TSPAN11: variants seen among roughly 807,000 people sequenced by gnomAD.
TSPAN11 encodes tetraspanin-11.
A neutral mutation model predicts 32.9 loss-of-function variants in TSPAN11; 29 were observed. The observed-to-expected ratio is 0.88, with a 90% confidence interval of 0.66 to 1.20. The LOEUF is 1.20. TSPAN11 is among the 50% of genes most tolerant of loss of function. The pLI is 0.00. For synonymous variants in TSPAN11, 140 were observed against 141.3 expected (o/e 0.99, Z 0.07); for missense variants, 283 against 329.1 (o/e 0.86, Z 1.08).
intron 7 of TSPAN11, among the ~76,000 whole-genome samples, chr12:30,991,438 A>G (rs1939309775): frequency 1.3e-5 from 2 of 152,176 alleles, no homozygotes; most frequent in Non-Finnish European, 1.5e-5. Flanking sequence ...GAGTGGAAAC[A>G]TTACTCTTAG....
rs867063541 is a variant in TSPAN11 at position 30,933,816 on chromosome 12, T to C, written c.-12+7020T>C. On this transcript the variant is annotated intron_variant, in intron 1 of 7. Coordinates refer to ENST00000546076, the MANE Select transcript of TSPAN11 (RefSeq NM_001370302.1). ...TCTGGGTCTCCTGTGTCAAGCCTGA[T>C]GGTGAGCTCTTGGTTCAGATTGAGT... is the stretch of plus-strand genomic sequence containing the variant. Among the ~76,000 whole-genome samples the C allele has an allele frequency of 2.6e-5, 4 of 152,276 alleles. No homozygotes were observed. The South Asian group carries it at 6.2e-4, about 24-fold the overall frequency.
chr12:30,961,795 G>A (rs1305286354), intron 2 of TSPAN11, among the ~76,000 whole-genome samples: 2 of 152,032 alleles, frequency 1.3e-5, no homozygotes, highest in Non-Finnish European at 2.9e-5. Flanking sequence ...AGGTCACACC[G>A]CTAGTTATGC....
At chr12:31,003,187 C>A in the TSPAN11 span, among the ~76,000 whole-genome samples, 1 of 152,198 alleles carries the variant, frequency 6.6e-6, no homozygotes, top group African/African-American at 2.4e-5. Context: ...GGAATTCTGC[C>A]CCAATGAGAT....
At chr12:30,961,886 C>T (rs769467717) in intron 2 of TSPAN11, among the ~76,000 whole-genome samples, 1 of 152,050 alleles carries the variant, frequency 6.6e-6, no homozygotes, top group Non-Finnish European at 1.5e-5. Flanking sequence ...TGGCTGCAAA[C>T]CCTCACATTA....
intron 1 of TSPAN11, among the ~76,000 whole-genome samples, chr12:30,938,120 C>T (rs1024593143): frequency 2.6e-5 from 4 of 152,214 alleles, no homozygotes; most frequent in African/African-American, 9.6e-5. Context: ...AGAAAATCTT[C>T]TGGGAGACCA....
At chr12:30,929,243 A>G (rs1937866982) in intron 1 of TSPAN11, among the ~76,000 whole-genome samples, 1 of 152,210 alleles carries the variant, frequency 6.6e-6, no homozygotes, top group Non-Finnish European at 1.5e-5. Flanking sequence ...TAGAAATAAT[A>G]GTACCGCAAC....
At position 30,979,461 on chromosome 12, in the gene TSPAN11, C is replaced by A. The variant is rs189236860; in HGVS notation, c.352-105C>A. 4 of 998,666 alleles carry A rather than the reference C, an allele frequency of 4.0e-6. No individual in the cohort carries two copies. The East Asian group carries it at 9.6e-5, about 24-fold the overall frequency. 61.9% of individuals were successfully genotyped at this position (998,666 alleles called of 1,614,324 possible). A position where few individuals can be genotyped will look rare whatever the true frequency, so the allele number is the denominator to read the frequency against. On this transcript the variant is annotated intron_variant, in intron 4 of 7. Transcript: ENST00000546076. ...ACCTCCGCATCACACCATCCACAGT[C>A]CGCAGTGTTCTAGAATTAGCTGGGG...
downstream of TSPAN11, among the ~76,000 whole-genome samples, chr12:30,997,665 A>G (rs1164789563): frequency 1.3e-5 from 2 of 152,162 alleles, no homozygotes; most frequent in African/African-American, 4.8e-5. Context: ...ATTGAGAATT[A>G]CAATTTGACA....
chr12:30,934,893 G>A (rs1938010441), intron 1 of TSPAN11, among the ~76,000 whole-genome samples: 1 of 152,114 alleles, frequency 6.6e-6, no homozygotes, highest in East Asian at 1.9e-4. Context: ...GGGACCTCCT[G>A]AATCTAAGAA....
At chr12:30,928,996 T>C (rs1937860228) in intron 1 of TSPAN11, among the ~76,000 whole-genome samples, 1 of 152,102 alleles carries the variant, frequency 6.6e-6, no homozygotes, top group Non-Finnish European at 1.5e-5. Flanking sequence ...AGTGAGTGAA[T>C]AAATTAGTAA....
At chr12:31,009,147 C>T in the TSPAN11 span, among the ~76,000 whole-genome samples, 8 of 152,232 alleles carry the variant, frequency 5.3e-5, no homozygotes, top group Non-Finnish European at 7.3e-5. Context: ...CCTTGGTTCT[C>T]GCAAATGCGC....
At position 30,975,036 on chromosome 12, in the gene TSPAN11, C is replaced by T. The variant is rs1175031575; in HGVS notation, c.277-3525C>T. ...GGCACCAGCATTCCAGGCAGGGGGA[C>T]AGGCAGGGCAAAGGCCCAAAGGCTG... is the stretch of plus-strand genomic sequence containing the variant. On this transcript the variant is annotated intron_variant, in intron 3 of 7. Transcript: ENST00000546076. The surrounding 1 kb of genome is among the most constrained non-coding windows in gnomAD (Gnocchi z 4.5). Among the ~76,000 whole-genome samples the T allele has an allele frequency of 6.6e-6, 1 of 152,192 alleles. No individual in the cohort carries two copies.
intron 1 of TSPAN11, among the ~76,000 whole-genome samples, chr12:30,946,720 A>G (rs970046055): frequency 3.3e-5 from 5 of 152,170 alleles, no homozygotes; most frequent in Non-Finnish European, 7.4e-5. Context: ...TCTGATTCAG[A>G]TCACAGCGTG....
chr12:30,959,846 C>CAGGT (rs1370233480), intron 2 of TSPAN11, among the ~76,000 whole-genome samples: 1 of 149,032 alleles, frequency 6.7e-6, no homozygotes, highest in African/African-American at 2.5e-5. Flanking sequence ...GCCAAAAAGT[C>CAGGT]AGGTTAAGGC....
intron 3 of TSPAN11, among the ~76,000 whole-genome samples, chr12:30,964,431 T>G (rs1938685805): frequency 6.6e-6 from 1 of 151,850 alleles, no homozygotes; most frequent in African/African-American, 2.4e-5. Context: ...CCTCTCCCTC[T>G]TCCTCCTCCT....
intron 7 of TSPAN11, among the ~76,000 whole-genome samples, chr12:30,988,976 G>A (rs1939258606): frequency 6.6e-6 from 1 of 152,232 alleles, no homozygotes; most frequent in East Asian, 1.9e-4. Flanking sequence ...AAATGTCACA[G>A]TAGCCCAGCC....
chr12:30,977,295 C>T (rs568152129), intron 3 of TSPAN11, among the ~76,000 whole-genome samples: 2 of 148,428 alleles, frequency 1.3e-5, no homozygotes, highest in Non-Finnish European at 1.5e-5. Flanking sequence ...GCCCCCGCTC[C>T]GCCGCCACCC....
intron 2 of TSPAN11, among the ~76,000 whole-genome samples, chr12:30,959,396 G>A (rs890631092): frequency 3.9e-5 from 6 of 152,100 alleles, no homozygotes; most frequent in African/African-American, 1.4e-4. Context: ...ATGCGTGAAA[G>A]GTGGGCAGGA....
intron 2 of TSPAN11, among the ~76,000 whole-genome samples, chr12:30,962,680 A>C (rs1037178849): frequency 2.6e-5 from 4 of 152,180 alleles, no homozygotes; most frequent in Admixed American, 2.6e-4. Flanking sequence ...GACAGAGCCC[A>C]GGGCACTTCT....
Sources: gnomAD v4.1 joint callset for allele counts (sites outside exome capture counted in the v4.1 genomes callset) on GRCh38, gnomAD v4.1.1 for gene constraint, Gnocchi (gnomAD v3.1) non-coding constraint, MANE v1.5 for transcripts, NCBI Gene and HGNC (gene_info 2026-07-23, HGNC 2026-07-21) for gene names.